The following KLHL29 variants were observed in gnomAD, a reference collection of about 807,000 sequenced individuals.
The protein encoded by KLHL29 is kelch like family member 29.
KLHL29 carries 21 observed loss-of-function variants against 80.4 expected under a neutral mutation model. That is an observed-to-expected ratio of 0.26 (90% confidence interval 0.19 to 0.38). KLHL29 has a LOEUF of 0.38. KLHL29 is among the 10% of genes least tolerant of loss of function. The pLI is 1.00. For synonymous variants in KLHL29, 511 were observed against 526.8 expected (o/e 0.97, Z 0.41); for missense variants, 867 against 1,223.9 (o/e 0.71, Z 4.35).
chr2:23,479,204 G>T (rs922162050), intron 2 of KLHL29, among the ~76,000 whole-genome samples: 1 of 151,282 alleles, frequency 6.6e-6, no homozygotes, highest in Non-Finnish European at 1.5e-5. Context: ...AAATAGGTAT[G>T]TGGGCGCTCA....
At chr2:23,514,562 C>G (rs1665866072) in intron 2 of KLHL29, among the ~76,000 whole-genome samples, 1 of 152,204 alleles carries the variant, frequency 6.6e-6, no homozygotes, top group South Asian at 2.1e-4. Flanking sequence ...GATCTAGGAA[C>G]AGCTGATGAC....
At chr2:23,429,788 G>A (rs1663119407) in intron 1 of KLHL29, among the ~76,000 whole-genome samples, 1 of 151,990 alleles carries the variant, frequency 6.6e-6, no homozygotes, top group African/African-American at 2.4e-5. Flanking sequence ...AAAAATTTGG[G>A]AAACAGATAG....
intron 3 of KLHL29, among the ~76,000 whole-genome samples, chr2:23,574,393 T>C (rs1667792042): frequency 6.6e-6 from 1 of 152,186 alleles, no homozygotes; most frequent in Non-Finnish European, 1.5e-5. Context: ...TCTGAGACTG[T>C]TTCCTTATCT....
At chr2:23,426,948 C>T (rs1005669296) in intron 1 of KLHL29, among the ~76,000 whole-genome samples, 1 of 152,160 alleles carries the variant, frequency 6.6e-6, no homozygotes, top group Non-Finnish European at 1.5e-5. Flanking sequence ...GCTTTCAAGG[C>T]CTTTTCTTAT....
intron 2 of KLHL29, among the ~76,000 whole-genome samples, chr2:23,516,031 C>T (rs1437260863): frequency 6.6e-6 from 1 of 152,222 alleles, no homozygotes; most frequent in Admixed American, 6.5e-5. Context: ...TTTGTACAAG[C>T]TCTGGCATTA....
At chr2:23,614,094 A>T (rs556156413) in intron 3 of KLHL29, among the ~76,000 whole-genome samples, 1 of 152,326 alleles carries the variant, frequency 6.6e-6, no homozygotes, top group Middle Eastern at 3.4e-3. Context: ...TGGAAAGGCT[A>T]ATCAGAAACT....
intron 11 of KLHL29, among the ~76,000 whole-genome samples, chr2:23,699,975 G>C (rs1011118510): frequency 5.9e-5 from 9 of 152,164 alleles, no homozygotes; most frequent in Non-Finnish European, 1.2e-4. Context: ...TCAAGAACTT[G>C]CTCACCTTCC....
chr2:23,552,747 C>T (rs1667159676), intron 2 of KLHL29, among the ~76,000 whole-genome samples: 1 of 94,522 alleles, frequency 1.1e-5, no homozygotes, highest in African/African-American at 4.9e-5. Context: ...ACGGCTATAG[C>T]TCTGGTTTCT....
intron 5 of KLHL29, among the ~76,000 whole-genome samples, chr2:23,659,408 T>C (rs1670340235): frequency 6.6e-6 from 1 of 152,224 alleles, no homozygotes; most frequent in East Asian, 1.9e-4. Context: ...TTTCCCATGC[T>C]TACCCAGTGG....
At chr2:23,533,636 GTTTGGGCTGGGTGATGGCA>G (rs1417723226) in intron 2 of KLHL29, among the ~76,000 whole-genome samples, 1 of 152,178 alleles carries the variant, frequency 6.6e-6, no homozygotes, top group Non-Finnish European at 1.5e-5. Flanking sequence ...GGGGTGCGGC[GTTTGGGCTGGGTGATGGCA>G]TTTGTAACAG....
rs1295503221 is a variant in KLHL29, at chr2:23,596,219, G to C, written c.285+33738G>C. On this transcript the variant is annotated intron_variant, in intron 3 of 13. Transcript: ENST00000486442. The surrounding 1 kb of genome is among the most constrained non-coding windows in gnomAD (Gnocchi z 4.4). Reference sequence around the variant, plus strand: ...ACAGCCTTGTACCCTGCTGCCATCTGCTTTGACCCTGCCAGGCAGCTGCAG... The same window carrying C: ...ACAGCCTTGTACCCTGCTGCCATCTCCTTTGACCCTGCCAGGCAGCTGCAG... 1.3e-5 allele frequency among the ~76,000 whole-genome samples: 2 copies of C among 152,158 alleles called. No individual in the cohort carries two copies. Among genetic ancestry groups the C allele is most frequent in the Admixed American group, 6.5e-5 (1 of 15,286 alleles).
chr2:23,578,298 A>G (rs1667893324), intron 3 of KLHL29, among the ~76,000 whole-genome samples: 1 of 152,212 alleles, frequency 6.6e-6, no homozygotes, highest in African/African-American at 2.4e-5. Context: ...TGGGATTAGG[A>G]GCCCAGACTC....
rs542738141 is a variant in KLHL29 at position 23,438,236 on chromosome 2, T to A, written c.-153-37324T>A. Among the ~76,000 whole-genome samples, 30 of 152,046 alleles carry A rather than the reference T, an allele frequency of 2.0e-4. No individual in the cohort carries two copies. The South Asian group carries it at 5.6e-3, about 29-fold the overall frequency. On this transcript the variant is annotated intron_variant, in intron 1 of 13. Transcript: ENST00000486442. ...CTGAGATGATGGGGTTTTCTAGATA[T>A]ACAATCATGGCGTCTGCAGACAGAG...
rs563558654 is a variant in KLHL29 at position 23,471,641 on chromosome 2, T to C, written c.-153-3919T>C. 2.6e-5 allele frequency among the ~76,000 whole-genome samples: 4 copies of C among 152,306 alleles called. No individual in the cohort carries two copies. The East Asian group carries it at 7.7e-4, about 29-fold the overall frequency. The stretch of plus-strand genomic sequence containing the variant: ...ACCTACTGTATTTTTTAAAATAAAT[T>C]AGAGTCCTCTGTCCTTTAGCTTTTA... On this transcript the variant is annotated intron_variant, in intron 1 of 13. Transcript: ENST00000486442.
chr2:23,509,559 A>G (rs1665708599), intron 2 of KLHL29, among the ~76,000 whole-genome samples: 1 of 151,218 alleles, frequency 6.6e-6, no homozygotes. Flanking sequence ...GGCCTTTCAA[A>G]TGAAAAAAAA....
At chr2:23,418,684 G>C (rs1178911059) in intron 1 of KLHL29, among the ~76,000 whole-genome samples, 1 of 152,162 alleles carries the variant, frequency 6.6e-6, no homozygotes, top group African/African-American at 2.4e-5. Context: ...GTAACCGGGG[G>C]CCCAGGGATG....
intron 1 of KLHL29, among the ~76,000 whole-genome samples, chr2:23,418,156 C>T (rs1014543116): frequency 2.9e-4 from 44 of 152,186 alleles, no homozygotes; most frequent in African/African-American, 1.0e-3. Flanking sequence ...CCTCTCACTG[C>T]GGCAGTGGGC....
At chr2:23,498,142 A>G (rs1665324494) in intron 2 of KLHL29, among the ~76,000 whole-genome samples, 1 of 152,164 alleles carries the variant, frequency 6.6e-6, no homozygotes, top group Non-Finnish European at 1.5e-5. Context: ...ATACAATATA[A>G]TATTATCCTA....
At chr2:23,689,434 C>T (rs1398724483) in intron 6 of KLHL29, 1 of 152,512 alleles carries the variant, frequency 6.6e-6, no homozygotes, top group Non-Finnish European at 1.5e-5. Context: ...TCGCACCTGT[C>T]ACTCAGCCAT....
Sources: allele counts gnomAD v4.1 joint callset (sites outside exome capture counted in the v4.1 genomes callset), GRCh38; gene constraint gnomAD v4.1.1; non-coding constraint Gnocchi (gnomAD v3.1); transcripts MANE v1.5; gene names NCBI Gene and HGNC (gene_info 2026-07-23, HGNC 2026-07-21).